SGCD: variants seen among roughly 807,000 people sequenced by gnomAD.
SGCD encodes the protein delta-sarcoglycan.
In SGCD, 18 loss-of-function variants were observed where a neutral mutation model predicts 36.6. That is an observed-to-expected ratio of 0.49 (90% CI 0.34 to 0.73). The LOEUF is 0.73. Ranked by LOEUF, SGCD falls within the 30% of genes least tolerant of loss-of-function variation. The pLI is 0.01. For synonymous variants in SGCD, 133 were observed against 130.6 expected, an observed-to-expected ratio of 1.02 and a Z score of -0.12; for missense variants, 387 against 346.7, an observed-to-expected ratio of 1.12 and a Z score of -0.92.
intron 1 of SGCD, among the ~76,000 whole-genome samples, chr5:155,962,881 C>A (rs556456111): frequency 6.6e-6 from 1 of 152,144 alleles, no homozygotes; most frequent in Admixed American, 6.6e-5. Context: ...TCAAAGTAGT[C>A]GCCTTAGCAA....
At chr5:156,358,794 C>A (rs1393919735) in intron 3 of SGCD, among the ~76,000 whole-genome samples, 2 of 151,648 alleles carry the variant, frequency 1.3e-5, no homozygotes, top group Admixed American at 6.6e-5. Context: ...ACAAAGGAAG[C>A]CAAAGTAAAA....
At chr5:156,652,281 G>C (rs1183749612) in intron 7 of SGCD, among the ~76,000 whole-genome samples, 2 of 151,832 alleles carry the variant, frequency 1.3e-5, no homozygotes, top group African/African-American at 4.8e-5. Flanking sequence ...AGGAGTCTGA[G>C]ACAAGCCTGG....
the SGCD span, among the ~76,000 whole-genome samples, chr5:155,807,902 C>G: frequency 6.6e-6 from 1 of 152,114 alleles, no homozygotes; most frequent in Non-Finnish European, 1.5e-5. Flanking sequence ...GGATGATACA[C>G]TACAAAGATA....
chr5:156,125,023 G>C (rs1000669454), intron 3 of SGCD, among the ~76,000 whole-genome samples: 2 of 152,202 alleles, frequency 1.3e-5, no homozygotes, highest in Non-Finnish European at 2.9e-5. Flanking sequence ...GCTCACTGTA[G>C]AGAGTAGTAG....
intron 1 of SGCD, among the ~76,000 whole-genome samples, chr5:156,090,343 G>C (rs531028134): frequency 1.3e-5 from 2 of 152,254 alleles, no homozygotes; most frequent in African/African-American, 4.8e-5. Flanking sequence ...GAGAAATAAA[G>C]AGAAAGAGTA....
intron 3 of SGCD, among the ~76,000 whole-genome samples, chr5:156,174,924 T>A (rs896350022): frequency 2.6e-5 from 4 of 152,162 alleles, no homozygotes; most frequent in African/African-American, 9.7e-5. Flanking sequence ...GAAAATGGAA[T>A]CTTAGATAAT....
intron 3 of SGCD, among the ~76,000 whole-genome samples, chr5:156,457,170 TAGTA>T (rs1168333484): frequency 6.6e-6 from 1 of 152,196 alleles, no homozygotes; most frequent in Non-Finnish European, 1.5e-5. Flanking sequence ...TTCTTCAAAA[TAGTA>T]AGGGTTTCAG....
chr5:155,805,216 TG>T, the SGCD span, among the ~76,000 whole-genome samples: 3 of 152,194 alleles, frequency 2.0e-5, no homozygotes, highest in Admixed American at 6.5e-5. Context: ...CTTGGCATAT[TG>T]GAGTTCACAG....
intron 1 of SGCD, among the ~76,000 whole-genome samples, chr5:155,996,134 T>G (rs1336055894): frequency 1.3e-5 from 2 of 152,064 alleles, no homozygotes; most frequent in Non-Finnish European, 2.9e-5. Context: ...ACATTTGTCT[T>G]AGGTTCAGGG....
intron 3 of SGCD, among the ~76,000 whole-genome samples, chr5:156,189,746 C>T (rs1763844847): frequency 6.6e-6 from 1 of 152,116 alleles, no homozygotes; most frequent in South Asian, 2.1e-4. Flanking sequence ...GTATTTTGTG[C>T]TGTTGCTGAT....
At chr5:156,060,589 G>T (rs1332915021) in intron 1 of SGCD, among the ~76,000 whole-genome samples, 1 of 145,726 alleles carries the variant, frequency 6.9e-6, no homozygotes, top group African/African-American at 2.5e-5. Context: ...TACTTCCAAA[G>T]AAATTTATGT....
intron 3 of SGCD, among the ~76,000 whole-genome samples, chr5:156,410,871 C>T (rs190878757): frequency 6.6e-6 from 1 of 151,862 alleles, no homozygotes; most frequent in African/African-American, 2.4e-5. Flanking sequence ...AATCCTAATC[C>T]TCCCTTCTTC....
At chr5:155,732,689 A>G in the SGCD span, among the ~76,000 whole-genome samples, 2 of 152,170 alleles carry the variant, frequency 1.3e-5, no homozygotes, top group Non-Finnish European at 2.9e-5. Context: ...GGACTCCCCT[A>G]AAGGCTTACT....
At chr5:156,648,996 C>T (rs1434549763) in intron 7 of SGCD, among the ~76,000 whole-genome samples, 2 of 151,902 alleles carry the variant, frequency 1.3e-5, no homozygotes, top group Non-Finnish European at 2.9e-5. Context: ...ATGATTAGCC[C>T]CAAGAAAAAG....
chr5:156,119,114 G>A (rs1761973520), intron 2 of SGCD, among the ~76,000 whole-genome samples: 1 of 152,174 alleles, frequency 6.6e-6, no homozygotes, highest in Non-Finnish European at 1.5e-5. Context: ...GCCTTCTGAG[G>A]AAATGTACCT....
upstream of SGCD, among the ~76,000 whole-genome samples, chr5:155,867,249 A>G (rs1425629997): frequency 2.6e-5 from 4 of 152,186 alleles, no homozygotes; most frequent in Non-Finnish European, 4.4e-5. Flanking sequence ...GCAAGCAGTA[A>G]TGGCTTAAGC....
chr5:155,768,266 T>G, the SGCD span, among the ~76,000 whole-genome samples: 1 of 140,764 alleles, frequency 7.1e-6, no homozygotes, highest in Non-Finnish European at 1.6e-5. Flanking sequence ...TTGTTTTGTT[T>G]TTGTTTTGTT....
intron 3 of SGCD, among the ~76,000 whole-genome samples, chr5:156,308,460 G>A (rs770984461): frequency 6.6e-6 from 1 of 152,106 alleles, no homozygotes. Context: ...CACTACGCCT[G>A]GCTAATTTTT....
At chr5:155,847,760 C>T in the SGCD span, among the ~76,000 whole-genome samples, 2 of 152,164 alleles carry the variant, frequency 1.3e-5, no homozygotes, top group African/African-American at 2.4e-5. Context: ...AGCCCTCAGT[C>T]GTTCTAACTC....
Sources: allele counts gnomAD v4.1 joint callset (sites outside exome capture counted in the v4.1 genomes callset), GRCh38; gene constraint gnomAD v4.1.1; transcripts MANE v1.5; gene names NCBI Gene and HGNC (gene_info 2026-07-23, HGNC 2026-07-21).